Variants in RABL3 observed in about 807,000 individuals in gnomAD.
RABL3 encodes RAB, member of RAS oncogene family like 3.
RABL3 carries 31 observed loss-of-function variants against 31.8 expected under a neutral mutation model. That is an observed-to-expected ratio of 0.97 (90% CI 0.73 to 1.31). The LOEUF (loss-of-function observed/expected upper bound fraction) is 1.31. RABL3 is among the 40% of genes most tolerant of loss of function. The pLI is 0.00. For synonymous variants in RABL3, 97 were observed against 99.9 expected (o/e 0.97, Z 0.18); for missense variants, 263 against 279.6 (o/e 0.94, Z 0.42).
chr3:120,732,884 A>C lies in RABL3; in HGVS notation c.47-2097T>G, dbSNP rs537284351. Reference sequence around the variant, plus strand: ...AGCTTCATCCATGTCCCTGCAAAGGACATGAACTCATCATTTTTTATGGCT... The same window carrying C: ...AGCTTCATCCATGTCCCTGCAAAGGCCATGAACTCATCATTTTTTATGGCT... On this transcript the variant is annotated intron_variant, in intron 1 of 7. Transcript: ENST00000273375. 5.9e-3 allele frequency among the ~76,000 whole-genome samples: 894 copies of C among 152,280 alleles called. 12 individuals carry two copies. The highest frequency in any genetic ancestry group is 0.021 in the African/African-American group (858 of 41,556).
In RABL3 at chr3:120,690,430, C is replaced by T; in HGVS notation, c.645+19G>A. ...ATCAAAATTTAAGAATCTATTTTAT[C>T]AAGAAAAGAGATACCAACCTGATTA... On this transcript the variant is annotated intron_variant, in intron 7 of 7. Coordinates refer to ENST00000273375, the MANE Select transcript of RABL3 (RefSeq NM_173825.5). 6.6e-7 allele frequency: 1 copy of T among 1,513,468 alleles called. No individual in the cohort carries two copies. The highest frequency in any genetic ancestry group is 9.2e-7 in the Non-Finnish European group (1 of 1,091,852). The allele number at this position is 1,513,468 out of a possible 1,614,324, so 93.8% of individuals were successfully genotyped here.
At chr3:120,737,945 G>GTGCC (rs1216244235) in intron 1 of RABL3, among the ~76,000 whole-genome samples, 1 of 152,214 alleles carries the variant, frequency 6.6e-6, no homozygotes, top group Non-Finnish European at 1.5e-5. Context: ...CTACTGGAGG[G>GTGCC]TGCCTCCCAG....
At chr3:120,728,023 A>G (rs973802594) in intron 2 of RABL3, among the ~76,000 whole-genome samples, 1 of 152,182 alleles carries the variant, frequency 6.6e-6, no homozygotes, top group Admixed American at 6.5e-5. Flanking sequence ...TGGGAATGAA[A>G]CAAAGATGCT....
chr3:120,725,462 A>G (rs921643017), intron 2 of RABL3, among the ~76,000 whole-genome samples: 1 of 152,208 alleles, frequency 6.6e-6, no homozygotes, highest in Non-Finnish European at 1.5e-5. Flanking sequence ...TACCCAAAGG[A>G]TTATAAATCA....
At chr3:120,692,205 T>TG (rs1469118769) in intron 6 of RABL3, among the ~76,000 whole-genome samples, 12 of 151,878 alleles carry the variant, frequency 7.9e-5, no homozygotes, top group East Asian at 3.9e-4. Flanking sequence ...AATCTTTTTT[T>TG]TTTGTTTGTT....
rs982135500 is a variant in RABL3, at chr3:120,742,341, C to T, written c.46+121G>A. 9.9e-6 allele frequency: 9 copies of T among 912,124 alleles called. No homozygotes were observed. In the East Asian group the frequency reaches 2.3e-4, roughly 23 times the overall value. 56.5% of individuals were successfully genotyped at this position (912,124 alleles called of 1,614,324 possible). A position where few individuals can be genotyped will look rare whatever the true frequency, so the allele number is the denominator to read the frequency against. On this transcript the variant is annotated intron_variant, in intron 1 of 7. Transcript: ENST00000273375. Reference sequence around the variant, plus strand: ...TCCCCTGGGAAGTGTAGTCTTCAGGCCCTGGGAGGGACTTCAGCCACGGGC... The same window carrying T: ...TCCCCTGGGAAGTGTAGTCTTCAGGTCCTGGGAGGGACTTCAGCCACGGGC...
intron 1 of RABL3, among the ~76,000 whole-genome samples, chr3:120,732,119 A>G (rs903255367): frequency 2.0e-5 from 3 of 152,170 alleles, no homozygotes; most frequent in African/African-American, 4.8e-5. Flanking sequence ...CCACAAGAAA[A>G]GTTTTTCTAT....
At chr3:120,734,055 A>C (rs1004879235) in intron 1 of RABL3, among the ~76,000 whole-genome samples, 11 of 151,732 alleles carry the variant, frequency 7.2e-5, no homozygotes, top group Middle Eastern at 3.4e-3. Flanking sequence ...GTTCCACGTG[A>C]ACTTTAGTTT....
intron 1 of RABL3, among the ~76,000 whole-genome samples, chr3:120,735,946 A>T (rs1343777134): frequency 6.6e-6 from 1 of 152,194 alleles, no homozygotes; most frequent in Non-Finnish European, 1.5e-5. Flanking sequence ...ACATTTACTG[A>T]GGATTGCTTT....
At chr3:120,717,640 TG>T (rs372047225) in intron 2 of RABL3, among the ~76,000 whole-genome samples, 1 of 152,248 alleles carries the variant, frequency 6.6e-6, no homozygotes, top group Non-Finnish European at 1.5e-5. Flanking sequence ...AGCTAATTTT[TG>T]TATTTTTAGT....
Position 120,730,801 on chromosome 3 carries a change from A to G in RABL3, c.47-14T>C. On this transcript the variant is annotated splice_polypyrimidine_tract_variant and intron_variant, in intron 1 of 7. Transcript: ENST00000273375. ...ATTTCCCAACACCTGTAAGAGATAC[A>G]AGAACTCTAGTCACATAAGAGACAA... 3 of 1,560,448 alleles carry G rather than the reference A, an allele frequency of 1.9e-6. No individual in the cohort carries two copies. The highest frequency in any genetic ancestry group is 1.8e-6 in the Non-Finnish European group (2 of 1,131,368).
Position 120,703,003 on chromosome 3 carries a change from G to A in RABL3, c.383+2997C>T, listed in dbSNP as rs546457101. ...CATGAGAAAATTTGGCCTGGGGACC[G>A]AAAAAGGGAGCCCCAGCAAATCACA... On this transcript the variant is annotated intron_variant, in intron 4 of 7. Transcript: ENST00000273375. Among the ~76,000 whole-genome samples, 182 of 152,218 alleles carry A rather than the reference G, an allele frequency of 1.2e-3. 2 individuals are homozygous for A. The highest frequency in any genetic ancestry group is 4.1e-3 in the African/African-American group (171 of 41,558).
chr3:120,695,115 C>T (rs980962745), intron 5 of RABL3, among the ~76,000 whole-genome samples: 1 of 152,060 alleles, frequency 6.6e-6, no homozygotes, highest in African/African-American at 2.4e-5. Flanking sequence ...TATAGACCCT[C>T]TGTGCCCCTA....
At chr3:120,718,335 C>T (rs763821726) in intron 2 of RABL3, among the ~76,000 whole-genome samples, 1 of 152,178 alleles carries the variant, frequency 6.6e-6, no homozygotes, top group Admixed American at 6.5e-5. Context: ...TAGTGCATTA[C>T]TCCTCTACCC....
chr3:120,693,002 C>T lies in RABL3; in HGVS notation c.606+1151G>A, dbSNP rs1341727177. Among the ~76,000 whole-genome samples, 5 of 152,128 alleles carry T rather than the reference C, an allele frequency of 3.3e-5. No homozygotes were observed. The South Asian group carries it at 1.0e-3, about 31-fold the overall frequency. On this transcript the variant is annotated intron_variant, in intron 6 of 7. Coordinates refer to ENST00000273375, the MANE Select transcript of RABL3 (RefSeq NM_173825.5). ...TGTGGGCAAAAAATCTGGCTCCTTGCAGTGCTGCACAACATTTTTCATGTC... is the reference window on the plus strand; with the variant it reads ...TGTGGGCAAAAAATCTGGCTCCTTGTAGTGCTGCACAACATTTTTCATGTC...
At chr3:120,690,021 A>C in intron 7 of RABL3, 133 bp from the exon 8 acceptor site, 1 of 658,450 alleles carries the variant, frequency 1.5e-6, no homozygotes, top group Non-Finnish European at 2.6e-6. Flanking sequence ...CTGAGGTTTT[A>C]CTCAGAAAAC....
At chr3:120,737,796 CCT>C (rs762381071) in intron 1 of RABL3, among the ~76,000 whole-genome samples, 2 of 152,322 alleles carry the variant, frequency 1.3e-5, no homozygotes, top group East Asian at 1.9e-4. Flanking sequence ...CGCTCCAGAC[CCT>C]GTTTGCCTGG....
intron 2 of RABL3, among the ~76,000 whole-genome samples, chr3:120,723,648 G>A (rs1196833180): frequency 2.0e-5 from 3 of 152,088 alleles, no homozygotes; most frequent in Admixed American, 6.5e-5. Context: ...TTCAACATAC[G>A]CAAATCAATA....
At chr3:120,705,689 T>A (rs901946957) in intron 4 of RABL3, among the ~76,000 whole-genome samples, 1 of 152,184 alleles carries the variant, frequency 6.6e-6, no homozygotes, top group Admixed American at 6.5e-5. Context: ...TTTATATAAA[T>A]GTTTTACTAT....
Sources: allele counts gnomAD v4.1 joint callset (sites outside exome capture counted in the v4.1 genomes callset), GRCh38; gene constraint gnomAD v4.1.1; transcripts MANE v1.5; gene names NCBI Gene and HGNC (gene_info 2026-07-23, HGNC 2026-07-21).